ARRB1: variants seen among roughly 807,000 people sequenced by gnomAD.
ARRB1 encodes the protein arrestin beta 1.
A neutral mutation model predicts 56.8 loss-of-function variants in ARRB1; 21 were observed. The observed-to-expected ratio is 0.37, with a 90% CI of 0.26 to 0.53. The LOEUF (loss-of-function observed/expected upper bound fraction) is 0.53, where lower values mean the gene tolerates loss of function less well. Among genes scored for constraint, ARRB1 ranks in the 20% least tolerant of loss-of-function variants. ARRB1 has a pLI of 0.88. For missense variants in ARRB1, 424 were observed against 553.7 expected (o/e 0.77, Z 2.35); for synonymous variants, 210 against 218.6 (o/e 0.96, Z 0.35).
chr11:75,262,822 C>T lies in ARRB1; in HGVS notation c.*3341G>A, dbSNP rs142152726. 1.4e-3 allele frequency among the ~76,000 whole-genome samples: 213 copies of T among 152,240 alleles called. 1 individual carries two copies. Among genetic ancestry groups the T allele is most frequent in the African/African-American group, 4.8e-3 (199 of 41,542 alleles). On this transcript the variant is annotated 3_prime_UTR_variant, in exon 16 of 16. Transcript: ENST00000420843. ...TCCTTTCACTGCACCATGTAGGAAC[C>T]AGCTTGTCAGGAACTCTCCCACAGA...
At chr11:75,309,083 G>A (rs960498582) in intron 1 of ARRB1, among the ~76,000 whole-genome samples, 1 of 152,258 alleles carries the variant, frequency 6.6e-6, no homozygotes, top group Admixed American at 6.5e-5. Flanking sequence ...CCCGCCTGGC[G>A]GCCCCAAAGC....
intron 1 of ARRB1, 41 bp downstream of exon 1, chr11:75,351,547 G>GCC (rs1226760112): frequency 1.3e-6 from 2 of 1,496,350 alleles, no homozygotes; most frequent in African/African-American, 2.9e-5. Context: ...CGCCGAGGTC[G>GCC]CCCCCACGCG....
chr11:75,348,379 C>T (rs1947803245), intron 1 of ARRB1, among the ~76,000 whole-genome samples: 1 of 152,160 alleles, frequency 6.6e-6, no homozygotes. Flanking sequence ...TTGGGGACTT[C>T]TCCTTAAGCC....
intron 2 of ARRB1, among the ~76,000 whole-genome samples, chr11:75,289,015 G>C (rs910432267): frequency 6.6e-6 from 1 of 152,214 alleles, no homozygotes; most frequent in Non-Finnish European, 1.5e-5. Flanking sequence ...CCGGCGGGGA[G>C]AGGGGACGGG....
In ARRB1 at chr11:75,347,779, C is replaced by T. The variant is rs78023964; in HGVS notation, c.20+3809G>A. Among the ~76,000 whole-genome samples, 683 of 152,308 alleles carry T rather than the reference C, an allele frequency of 4.5e-3. 1 individual carries two copies. The highest frequency in any genetic ancestry group is 0.016 in the African/African-American group (651 of 41,564). On this transcript the variant is annotated intron_variant, in intron 1 of 15. Transcript: ENST00000420843. ...TACACTACTAGATTACAGTTGAATT[C>T]ATTGAGATTATGCGTGTAATTCTAA...
chr11:75,336,890 G>A (rs1459974632), intron 1 of ARRB1, among the ~76,000 whole-genome samples: 2 of 152,192 alleles, frequency 1.3e-5, no homozygotes, highest in Non-Finnish European at 2.9e-5. Context: ...GTGGCACAAT[G>A]TGCCCAGAGT....
intron 1 of ARRB1, among the ~76,000 whole-genome samples, chr11:75,336,199 G>A (rs932225134): frequency 2.0e-5 from 3 of 152,200 alleles, no homozygotes; most frequent in Non-Finnish European, 2.9e-5. Context: ...GAGTAGCTGA[G>A]GGCTCAATAT....
At chr11:75,328,491 A>T (rs1947474086) in intron 1 of ARRB1, among the ~76,000 whole-genome samples, 1 of 152,172 alleles carries the variant, frequency 6.6e-6, no homozygotes, top group Non-Finnish European at 1.5e-5. Context: ...TTCATTTGTG[A>T]TACAGATGGT....
intron 1 of ARRB1, among the ~76,000 whole-genome samples, chr11:75,314,296 A>G (rs1385551958): frequency 2.0e-5 from 3 of 152,254 alleles, no homozygotes; most frequent in Non-Finnish European, 4.4e-5. Context: ...AGAGGGCCCA[A>G]GTCAGCCAGT....
rs1045081355 is a variant in ARRB1, at chr11:75,276,737, G to C, written c.776+102C>G. On this transcript the variant is annotated intron_variant, in intron 10 of 15. Coordinates refer to ENST00000420843, the MANE Select transcript of ARRB1 (RefSeq NM_004041.5). Reference sequence around the variant, plus strand: ...AAGGAAGTCTGAGGCCCAGCCCTCTGCCAGGTGGAGAAGAGCCACCTGGAC... The same window carrying C: ...AAGGAAGTCTGAGGCCCAGCCCTCTCCCAGGTGGAGAAGAGCCACCTGGAC... The C allele has an allele frequency of 5.3e-6, 6 of 1,140,368 alleles. No homozygotes were observed. The African/African-American group carries it at 7.6e-5, about 14-fold the overall frequency. The allele number at this position is 1,140,368 out of a possible 1,614,324, so 70.6% of individuals were successfully genotyped here. A position where few individuals can be genotyped will look rare whatever the true frequency, so the allele number is the denominator to read the frequency against.
chr11:75,283,880 G>A (rs910274187), intron 4 of ARRB1, among the ~76,000 whole-genome samples: 4 of 152,134 alleles, frequency 2.6e-5, no homozygotes, highest in East Asian at 1.9e-4. Flanking sequence ...GTATCTGGAC[G>A]GCAAGCGTCT....
chr11:75,316,157 G>A (rs957852910), intron 1 of ARRB1, among the ~76,000 whole-genome samples: 6 of 152,000 alleles, frequency 3.9e-5, no homozygotes, highest in Admixed American at 2.0e-4. Flanking sequence ...GTGAAACCCC[G>A]TCTCTACAAA....
At chr11:75,269,182 C>A (rs1946014356) in intron 13 of ARRB1, 1 of 738,168 alleles carries the variant, frequency 1.4e-6, no homozygotes, top group Admixed American at 1.8e-5. Context: ...GAAGCCTCCT[C>A]TTTCCTGAGA....
chr11:75,339,799 G>A (rs983583820), intron 1 of ARRB1, among the ~76,000 whole-genome samples: 1 of 152,220 alleles, frequency 6.6e-6, no homozygotes, highest in Non-Finnish European at 1.5e-5. Context: ...ACAGGGCCCG[G>A]GGTGTGGCAC....
intron 1 of ARRB1, among the ~76,000 whole-genome samples, chr11:75,294,388 C>A (rs1328910654): frequency 6.6e-6 from 1 of 151,890 alleles, no homozygotes; most frequent in African/African-American, 2.4e-5. Flanking sequence ...GAAACCCAGT[C>A]TCTACTAAAA....
chr11:75,340,992 A>T (rs1235060718), intron 1 of ARRB1, among the ~76,000 whole-genome samples: 1 of 151,908 alleles, frequency 6.6e-6, no homozygotes. Flanking sequence ...GCTGGCCGGC[A>T]CAGCCCCCAC....
chr11:75,298,060 C>T (rs1383767639), intron 1 of ARRB1, among the ~76,000 whole-genome samples: 1 of 133,760 alleles, frequency 7.5e-6, no homozygotes, highest in Non-Finnish European at 1.6e-5. Context: ...AACTTTTGTG[C>T]TTCAAAAGTC....
intron 12 of ARRB1, among the ~76,000 whole-genome samples, chr11:75,272,372 AGAG>A (rs1440819541): frequency 2.6e-5 from 4 of 152,214 alleles, no homozygotes; most frequent in Non-Finnish European, 5.9e-5. Flanking sequence ...CTGAGTTAGG[AGAG>A]GAGATTTCAG....
chr11:75,315,963 G>A (rs1947257267), intron 1 of ARRB1, among the ~76,000 whole-genome samples: 1 of 152,138 alleles, frequency 6.6e-6, no homozygotes, highest in Non-Finnish European at 1.5e-5. Context: ...CCCTCAGGTG[G>A]GACCCAAACA....
Sources: allele counts gnomAD v4.1 joint callset (sites outside exome capture counted in the v4.1 genomes callset), GRCh38; gene constraint gnomAD v4.1.1; transcripts MANE v1.5; gene names NCBI Gene and HGNC (gene_info 2026-07-23, HGNC 2026-07-21).